Variants in AVIL observed in about 807,000 individuals in gnomAD.
The protein encoded by AVIL is advillin.
In AVIL, 78 loss-of-function variants were observed where a neutral mutation model predicts 109.9. The observed-to-expected ratio is 0.71, with a 90% CI of 0.59 to 0.86. The LOEUF is 0.86. Ranked by LOEUF, AVIL falls within the 40% of genes least tolerant of loss-of-function variation. The probability of loss-of-function intolerance (pLI) is 0.00; values close to 1 mark genes in which losing one functional copy is unlikely to be tolerated. For missense variants in AVIL, 892 were observed against 1,016.5 expected (o/e 0.88, Z 1.67); for synonymous variants, 367 against 379.1 (o/e 0.97, Z 0.37).
At position 57,809,888 on chromosome 12, in the gene AVIL, A is replaced by G; in HGVS notation, c.764T>C (p.Ile255Thr). 5 of 1,614,118 alleles carry G rather than the reference A, an allele frequency of 3.1e-6. No homozygotes were observed. Among genetic ancestry groups the G allele is most frequent in the Non-Finnish European group, 4.2e-6 (5 of 1,180,002 alleles). ...KQKSTIMLYH[I>T]SDSAGQLAVT... Reference sequence around the variant, plus strand: ...TGCCAGCTGCCCAGCTGAATCTGAGATACTGGAGAAGGGGAGAGGTTAGCC... The same window carrying G: ...TGCCAGCTGCCCAGCTGAATCTGAGGTACTGGAGAAGGGGAGAGGTTAGCC... The change falls in exon 8 of 20, where the codon ATC becomes ACC. Residue 255 changes from isoleucine to threonine, a missense_variant and splice_region_variant. Ile to Thr is a moderately conservative substitution (Grantham distance 89, BLOSUM62 -1). Coordinates refer to ENST00000549994, the MANE Select transcript of AVIL (RefSeq NM_006576.4).
Position 57,806,370 on chromosome 12 carries a change from C to A in AVIL, c.1661G>T (p.Trp554Leu), listed in dbSNP as rs760701700. The A allele has an allele frequency of 6.2e-7, 1 of 1,614,058 alleles. No individual in the cohort carries two copies. Among genetic ancestry groups the A allele is most frequent in the Non-Finnish European group, 8.5e-7 (1 of 1,180,008 alleles). The change falls in exon 14 of 20, where the codon TGG becomes TTG. Residue 554 changes from tryptophan (W) to leucine (L), a missense_variant. Physicochemically the swap from Trp to Leu is moderately conservative, Grantham distance 61. Coordinates refer to ENST00000549994, the MANE Select transcript of AVIL (RefSeq NM_006576.4). ...LLRTQAEHYL[W>L]YGKGSSGDER... Reference sequence around the variant, plus strand: ...GCCCAGCCATCCTACCTTGCCATACCACAGGTAGTGCTCTGCCTGAGTTCG... The same window carrying A: ...GCCCAGCCATCCTACCTTGCCATACAACAGGTAGTGCTCTGCCTGAGTTCG...
chr12:57,810,396 AG>A lies in AVIL; in HGVS notation c.713del (p.Pro238LeufsTer5). On this transcript the variant is annotated frameshift_variant, in exon 7 of 20. Coordinates refer to ENST00000549994, the MANE Select transcript of AVIL (RefSeq NM_006576.4). LOFTEE classifies it high-confidence loss of function. ...TCTGCTTCTGATCTATGATCTCATC[AG>A]GGACTGTAGGCTTGATAATGGAGCG... is the stretch of plus-strand genomic sequence containing the variant. ...GRRSIIKPTV[P>X]DEIIDQKQKS... The A allele has an allele frequency of 6.2e-7, 1 of 1,614,186 alleles. No homozygotes were observed. The highest frequency in any genetic ancestry group is 8.5e-7 in the Non-Finnish European group (1 of 1,180,028).
chr12:57,815,819 G>A, intron 2 of AVIL, 156 bp downstream of exon 2: 1 of 1,515,312 alleles, frequency 6.6e-7, no homozygotes, highest in Non-Finnish European at 8.8e-7. Flanking sequence ...ACCCAGGAGA[G>A]GTGAAGGATG....
chr12:57,800,961 A>G (rs1955835114), intron 18 of AVIL, among the ~76,000 whole-genome samples, 183 bp downstream of exon 18: 1 of 152,224 alleles, frequency 6.6e-6, no homozygotes, highest in African/African-American at 2.4e-5. Flanking sequence ...GAAGTCAGGA[A>G]AATAAGGAAC....
At chr12:57,813,157 A>G in intron 4 of AVIL, 70 bp downstream of exon 4, 2 of 1,485,928 alleles carry the variant, frequency 1.3e-6, no homozygotes, top group South Asian at 1.3e-5. Flanking sequence ...TTGATAATGC[A>G]TGTTGGCCTT....
intron 2 of AVIL, chr12:57,814,795 C>T (rs1956080340): frequency 6.5e-6 from 1 of 153,502 alleles, no homozygotes; most frequent in South Asian, 2.0e-4. Flanking sequence ...TATGGCTTGG[C>T]CCTGGAGGAC....
At chr12:57,815,438 T>C in intron 2 of AVIL, 1 of 508,704 alleles carries the variant, frequency 2.0e-6, no homozygotes, top group Non-Finnish European at 3.0e-6. Context: ...TTGGGGGGAA[T>C]CCTCGTATCT....
At chr12:57,802,540 A>C in intron 16 of AVIL, 192 bp from the exon 17 acceptor site, 1 of 762,812 alleles carries the variant, frequency 1.3e-6, no homozygotes, top group Non-Finnish European at 2.3e-6. Context: ...TTTAATTGCT[A>C]TGTGTATCTT....
intron 9 of AVIL, 34 bp downstream of exon 9, chr12:57,809,563 T>G (rs377570607): frequency 2.5e-6 from 4 of 1,610,354 alleles, no homozygotes; most frequent in Non-Finnish European, 3.4e-6. Context: ...TTAGCAGAAT[T>G]ATTTGAACAG....
intron 11 of AVIL, 134 bp downstream of exon 11, chr12:57,808,060 T>C: frequency 9.4e-7 from 1 of 1,059,900 alleles, no homozygotes; most frequent in Non-Finnish European, 1.5e-6. Context: ...ACAAGACTCT[T>C]AAAGAAGACT....
rs529329978 is a variant in AVIL, at chr12:57,801,396, C to T, written c.2152-184G>A. 119 of 491,480 alleles carry T rather than the reference C, an allele frequency of 2.4e-4. 3 individuals carry two copies. The South Asian group carries it at 2.5e-3, about 10-fold the overall frequency. The allele number at this position is 491,480 out of a possible 1,614,324, so 30.4% of individuals were successfully genotyped here. ...AGGCTTGAAAGGTGCTTAAACATAA[C>T]GCACATTCTTTGATGGTAACCCCTC... On this transcript the variant is annotated intron_variant, in intron 17 of 19. Transcript: ENST00000549994.
chr12:57,811,183 A>G (rs1956033874), intron 4 of AVIL, 56 bp from the exon 5 acceptor site: 4 of 1,532,808 alleles, frequency 2.6e-6, no homozygotes, highest in Non-Finnish European at 2.7e-6. Flanking sequence ...GGTTCTGGGG[A>G]GACAGTGGTG....
rs1046436310 is a variant in AVIL at position 57,803,306 on chromosome 12, C to T, written c.1903G>A (p.Asp635Asn). ...TGQFVVTEIT[D>N]FTQDDLNPTD... ...GGGTTCAGGTCATCCTGGGTGAAGT[C>T]TGTGATCTCAGTGACAACGAATTGG... The change falls in exon 16 of 20, where the codon GAC (aspartate) becomes AAC (asparagine). Residue 635 changes from aspartate to asparagine, a missense_variant. Asp to Asn is a conservative substitution (Grantham distance 23). Transcript: ENST00000549994. The T allele has an allele frequency of 1.2e-6, 2 of 1,614,140 alleles. No individual in the cohort carries two copies. The highest frequency in any genetic ancestry group is 1.7e-6 in the Non-Finnish European group (2 of 1,180,030).
At chr12:57,799,649 T>A (rs1165097165) in intron 19 of AVIL, 146 bp downstream of exon 19, 2 of 1,052,612 alleles carry the variant, frequency 1.9e-6, no homozygotes, top group Non-Finnish European at 2.7e-6. Flanking sequence ...AGAACCCTGG[T>A]TTTTTTTGGT....
Position 57,814,180 on chromosome 12 carries a change from T to C in AVIL, c.113A>G (p.Tyr38Cys). ...GAGGATGACGTAGCAGTCCCCCTCATAGAAGTTGCCGTGGGCGCTCACAGG... is the reference window on the plus strand; with the variant it reads ...GAGGATGACGTAGCAGTCCCCCTCACAGAAGTTGCCGTGGGCGCTCACAGG... ...LVPVSAHGNF[Y>C]EGDCYVILST... is the part of the protein sequence containing the mutation. Residue 38 changes from tyrosine to cysteine, a missense_variant, in exon 3 of 20, where the codon TAT becomes TGT. Tyr to Cys is a radical substitution (Grantham distance 194). Coordinates refer to ENST00000549994, the MANE Select transcript of AVIL (RefSeq NM_006576.4). The C allele has an allele frequency of 6.2e-7, 1 of 1,612,768 alleles. No homozygotes were observed. The highest frequency in any genetic ancestry group is 8.5e-7 in the Non-Finnish European group (1 of 1,179,728).
chr12:57,813,488 T>C (rs923545224), intron 3 of AVIL, 65 bp from the exon 4 acceptor site: 3 of 1,490,448 alleles, frequency 2.0e-6, no homozygotes, highest in Non-Finnish European at 2.8e-6. Flanking sequence ...CTGGCCCCTG[T>C]TATGGGGAGA....
intron 15 of AVIL, 39 bp downstream of exon 15, chr12:57,803,485 A>G: frequency 6.2e-7 from 1 of 1,613,884 alleles, no homozygotes; most frequent in Non-Finnish European, 8.5e-7. Flanking sequence ...CCTGGCAGGC[A>G]GGGGGAGCCC....
In AVIL at chr12:57,813,756, G is replaced by C. The variant is rs568978314; in HGVS notation, c.142-333C>G. On this transcript the variant is annotated intron_variant, in intron 3 of 19. Coordinates refer to ENST00000549994, the MANE Select transcript of AVIL (RefSeq NM_006576.4). ...CTTGCACTCACACAGCTGGCACAGTGCTCATCTGTACACCTGCACGACCCT... is the reference window on the plus strand; with the variant it reads ...CTTGCACTCACACAGCTGGCACAGTCCTCATCTGTACACCTGCACGACCCT... Among the ~76,000 whole-genome samples, 4 of 152,302 alleles carry C rather than the reference G, an allele frequency of 2.6e-5. No homozygotes were observed. In the South Asian group the frequency reaches 8.3e-4, roughly 32 times the overall value.
chr12:57,803,502 G>T (rs1343808366), intron 15 of AVIL, 22 bp downstream of exon 15: 2 of 1,614,090 alleles, frequency 1.2e-6, no homozygotes, highest in South Asian at 2.2e-5. Context: ...GCCCAGAAGA[G>T]GGGGAGGCTG....
Sources: gnomAD v4.1 joint callset for allele counts (sites outside exome capture counted in the v4.1 genomes callset) on GRCh38, gnomAD v4.1.1 for gene constraint, MANE v1.5 for transcripts, NCBI Gene and HGNC (gene_info 2026-07-23, HGNC 2026-07-21) for gene names.